Variants in WWOX observed in about 807,000 individuals in gnomAD.
The protein encoded by WWOX is WW domain containing oxidoreductase, also known as WW domain-containing oxidoreductase.
In WWOX, 69 loss-of-function variants were observed where a neutral mutation model predicts 46.2. The ratio of observed to expected loss-of-function variants is 1.49; its 90% CI spans 1.23 to 1.82. WWOX has a LOEUF of 1.82. Among genes scored for constraint, WWOX ranks in the 40% most tolerant of loss-of-function variants. WWOX has a pLI of 0.00. For missense variants in WWOX, 919 were observed against 542.6 expected, an observed-to-expected ratio of 1.69 and a Z score of -6.89; for synonymous variants, 359 against 202.6, an observed-to-expected ratio of 1.77 and a Z score of -6.56.
chr16:78,392,663 T>G (rs1746839627), intron 6 of WWOX, among the ~76,000 whole-genome samples: 1 of 152,182 alleles, frequency 6.6e-6, no homozygotes, highest in African/African-American at 2.4e-5. Context: ...CATACTCTTC[T>G]GTCTCCTGAG....
At chr16:79,002,306 C>T (rs111722390) in intron 8 of WWOX, among the ~76,000 whole-genome samples, 1 of 146,962 alleles carries the variant, frequency 6.8e-6, no homozygotes, top group African/African-American at 2.5e-5. Context: ...TCACTGCAGC[C>T]TCCACCTTCC....
intron 8 of WWOX, among the ~76,000 whole-genome samples, chr16:79,189,445 G>C (rs1446572970): frequency 1.4e-5 from 2 of 143,706 alleles, no homozygotes; most frequent in Non-Finnish European, 3.0e-5. Context: ...GTGTGTGTGT[G>C]TGTGTGTGTG....
chr16:78,503,581 A>G (rs2085122176), intron 8 of WWOX: 1 of 152,106 alleles, frequency 6.6e-6, no homozygotes, highest in South Asian at 2.1e-4. Context: ...TTGTCTTTGC[A>G]TTTTTAAAAC....
At chr16:78,810,926 G>C (rs1253769482) in intron 8 of WWOX, among the ~76,000 whole-genome samples, 1 of 151,704 alleles carries the variant, frequency 6.6e-6, no homozygotes, top group African/African-American at 2.4e-5. Context: ...CAGACATTTA[G>C]AAAATACTGC....
At chr16:78,442,912 G>C (rs1298342795) in intron 8 of WWOX, among the ~76,000 whole-genome samples, 1 of 152,036 alleles carries the variant, frequency 6.6e-6, no homozygotes, top group Admixed American at 6.6e-5. Flanking sequence ...CACGAGGTCA[G>C]GAGATTGAGA....
intron 8 of WWOX, among the ~76,000 whole-genome samples, chr16:79,133,339 C>A (rs1369898484): frequency 6.6e-6 from 1 of 152,138 alleles, no homozygotes; most frequent in Non-Finnish European, 1.5e-5. Flanking sequence ...AATTTGAGGT[C>A]CCCCTCAACA....
chr16:78,476,680 T>C (rs1125305), intron 8 of WWOX, among the ~76,000 whole-genome samples: 23,677 of 152,070 alleles, frequency 0.16, 3,890 homozygotes, highest in African/African-American at 0.41. Context: ...TCCCCCATGA[T>C]CACAGAGGAT....
intron 8 of WWOX, among the ~76,000 whole-genome samples, chr16:78,954,368 A>G (rs2046122864): frequency 6.6e-6 from 1 of 152,086 alleles, no homozygotes; most frequent in Non-Finnish European, 1.5e-5. Flanking sequence ...GGATGGATGC[A>G]TGGATGTTTG....
chr16:78,718,502 C>T lies in WWOX; in HGVS notation c.1056+285750C>T, dbSNP rs114520749. Among the ~76,000 whole-genome samples, 886 of 152,068 alleles carry T rather than the reference C, an allele frequency of 5.8e-3. 10 individuals carry two copies. Among genetic ancestry groups the T allele is most frequent in the African/African-American group, 0.02 (844 of 41,472 alleles). On this transcript the variant is annotated intron_variant, in intron 8 of 8. Transcript: ENST00000566780. ...ATATTTGAGTAGAACACATGATGTT[C>T]AATAAAAATGAATTTGCCAGTCAGA...
intron 7 of WWOX, among the ~76,000 whole-genome samples, chr16:78,430,272 C>G (rs1302537042): frequency 6.6e-6 from 1 of 152,150 alleles, no homozygotes. Flanking sequence ...TTATCTCCAC[C>G]TGGCTCTGCC....
chr16:79,122,422 G>C (rs1287832613), intron 8 of WWOX, among the ~76,000 whole-genome samples: 1 of 152,176 alleles, frequency 6.6e-6, no homozygotes, highest in Admixed American at 6.5e-5. Flanking sequence ...TGTGGAAAAG[G>C]TGTGGGCAAG....
intron 8 of WWOX, among the ~76,000 whole-genome samples, chr16:78,952,033 C>T (rs998396384): frequency 2.6e-5 from 4 of 152,202 alleles, no homozygotes; most frequent in East Asian, 1.9e-4. Context: ...TGATTTTATA[C>T]TGTCTGTAGG....
chr16:78,595,685 C>T (rs2045472733), intron 8 of WWOX, among the ~76,000 whole-genome samples: 1 of 152,166 alleles, frequency 6.6e-6, no homozygotes, highest in Non-Finnish European at 1.5e-5. Flanking sequence ...GATGGCTCCT[C>T]AGATAGCTGC....
At chr16:78,985,821 A>G (rs996469001) in intron 8 of WWOX, among the ~76,000 whole-genome samples, 2 of 152,248 alleles carry the variant, frequency 1.3e-5, no homozygotes, top group African/African-American at 4.8e-5. Context: ...TCACATTGCA[A>G]TGCTGACCAC....
intron 8 of WWOX, among the ~76,000 whole-genome samples, chr16:78,671,773 A>T (rs558669946): frequency 6.6e-6 from 1 of 152,328 alleles, no homozygotes; most frequent in African/African-American, 2.4e-5. Flanking sequence ...ATATTTAAGA[A>T]AGCACCATCA....
At chr16:78,903,762 A>C (rs1344809927) in intron 8 of WWOX, among the ~76,000 whole-genome samples, 2 of 152,168 alleles carry the variant, frequency 1.3e-5, no homozygotes, top group African/African-American at 4.8e-5. Flanking sequence ...AGGAGCTCAG[A>C]AAAGTCACCC....
chr16:78,614,965 G>A (rs940410841), intron 8 of WWOX, among the ~76,000 whole-genome samples: 6 of 152,012 alleles, frequency 3.9e-5, no homozygotes, highest in Non-Finnish European at 8.8e-5. Flanking sequence ...GTTGATACAT[G>A]TTTAATCACG....
chr16:78,898,962 A>G (rs896186130), intron 8 of WWOX: 5 of 152,088 alleles, frequency 3.3e-5, no homozygotes, highest in African/African-American at 7.2e-5. Context: ...CTGCTCTCAT[A>G]TCCTGTGATC....
chr16:78,818,899 C>T (rs987040452), intron 8 of WWOX, among the ~76,000 whole-genome samples: 2 of 152,140 alleles, frequency 1.3e-5, no homozygotes, highest in East Asian at 1.9e-4. Context: ...GTTAAGTGTA[C>T]GGCTTAAGAG....
Sources: allele counts gnomAD v4.1 joint callset (sites outside exome capture counted in the v4.1 genomes callset), GRCh38; gene constraint gnomAD v4.1.1; transcripts MANE v1.5; gene names NCBI Gene and HGNC (gene_info 2026-07-23, HGNC 2026-07-21).